MAST2: variants seen among roughly 807,000 people sequenced by gnomAD.
MAST2 encodes microtubule associated serine/threonine kinase 2, also known as microtubule-associated serine/threonine-protein kinase 2.
A neutral mutation model predicts 147.4 loss-of-function variants in MAST2; 70 were observed. The observed-to-expected ratio is 0.47, with a 90% CI of 0.39 to 0.58. The LOEUF (loss-of-function observed/expected upper bound fraction) is 0.58. MAST2 is among the 20% of genes least tolerant of loss of function. The probability of loss-of-function intolerance (pLI) is 0.00; values close to 1 mark genes in which losing one functional copy is unlikely to be tolerated. For missense variants in MAST2, 2,080 were observed against 2,302.3 expected, an observed-to-expected ratio of 0.90 and a Z score of 1.98; for synonymous variants, 869 against 896.8, an observed-to-expected ratio of 0.97 and a Z score of 0.55.
At chr1:45,885,249 C>T (rs1280421936) in intron 4 of MAST2, among the ~76,000 whole-genome samples, 1 of 152,162 alleles carries the variant, frequency 6.6e-6, no homozygotes, top group Non-Finnish European at 1.5e-5. Flanking sequence ...ATGGTTCTCC[C>T]AAGAGCGAAT....
chr1:45,913,931 T>G, intron 4 of MAST2: 1 of 1,113,412 alleles, frequency 9.0e-7, no homozygotes, highest in Non-Finnish European at 1.1e-6. Context: ...GAAAAAAAAC[T>G]AATGCCAACT....
intron 4 of MAST2, among the ~76,000 whole-genome samples, chr1:45,926,307 C>T (rs1158012623): frequency 6.6e-6 from 1 of 152,224 alleles, no homozygotes; most frequent in Admixed American, 6.5e-5. Flanking sequence ...GGTTATTTTG[C>T]TGCTTCCATT....
At chr1:45,977,574 C>A (rs980824335) in intron 5 of MAST2, among the ~76,000 whole-genome samples, 2 of 151,264 alleles carry the variant, frequency 1.3e-5, no homozygotes, top group African/African-American at 4.9e-5. Flanking sequence ...CCGAGGCGGG[C>A]GGATCACAAG....
intron 5 of MAST2, among the ~76,000 whole-genome samples, chr1:45,966,652 G>A (rs1306938273): frequency 6.6e-6 from 1 of 152,140 alleles, no homozygotes; most frequent in East Asian, 1.9e-4. Context: ...AACCAGGGAG[G>A]TGGAGGTTGC....
chr1:45,865,916 A>G (rs1646132912), intron 3 of MAST2, among the ~76,000 whole-genome samples: 1 of 152,244 alleles, frequency 6.6e-6, no homozygotes, highest in South Asian at 2.1e-4. Context: ...TGAAGATTCT[A>G]GTGTAAATCA....
chr1:45,918,887 C>T (rs902505385), intron 4 of MAST2, among the ~76,000 whole-genome samples: 11 of 152,072 alleles, frequency 7.2e-5, no homozygotes, highest in African/African-American at 1.9e-4. Context: ...CCGAGGTGAG[C>T]GGATTGCTTG....
chr1:45,809,446 C>G (rs1486410303), intron 1 of MAST2, among the ~76,000 whole-genome samples: 1 of 152,072 alleles, frequency 6.6e-6, no homozygotes, highest in African/African-American at 2.4e-5. Context: ...AGTTTGAGAC[C>G]AGACTGAGCA....
intron 3 of MAST2, among the ~76,000 whole-genome samples, chr1:45,843,133 T>C (rs930843193): frequency 4.6e-5 from 7 of 152,050 alleles, no homozygotes; most frequent in Non-Finnish European, 1.0e-4. Flanking sequence ...TTTTTTTTAA[T>C]TGAATTTTTT....
intron 3 of MAST2, among the ~76,000 whole-genome samples, chr1:45,836,739 G>A (rs2147871096): frequency 6.6e-6 from 1 of 152,282 alleles, no homozygotes; most frequent in East Asian, 1.9e-4. Flanking sequence ...TAAGTGTTCA[G>A]TTTGATGACT....
intron 4 of MAST2, among the ~76,000 whole-genome samples, chr1:45,883,744 T>G (rs995076457): frequency 6.6e-6 from 1 of 152,102 alleles, no homozygotes; most frequent in Admixed American, 6.6e-5. Flanking sequence ...TAGCAGTGGA[T>G]ATTCAGTCTA....
chr1:46,008,670 TAA>T (rs1040820918), intron 9 of MAST2, among the ~76,000 whole-genome samples: 4 of 152,198 alleles, frequency 2.6e-5, no homozygotes, highest in African/African-American at 9.7e-5. Flanking sequence ...CACCATATAT[TAA>T]AGAGGAAAGA....
intron 1 of MAST2, among the ~76,000 whole-genome samples, chr1:45,808,511 C>T (rs1008573061): frequency 1.3e-5 from 2 of 152,180 alleles, no homozygotes; most frequent in African/African-American, 4.8e-5. Flanking sequence ...GCCTGGCCCA[C>T]ATCTGTAGTC....
chr1:45,889,826 G>A (rs1417478987), intron 4 of MAST2, among the ~76,000 whole-genome samples: 1 of 151,420 alleles, frequency 6.6e-6, no homozygotes, highest in Admixed American at 6.6e-5. Context: ...GGTCAGGCTG[G>A]TCTCGAACTC....
intron 3 of MAST2, among the ~76,000 whole-genome samples, chr1:45,843,779 A>G (rs1473315829): frequency 6.6e-6 from 1 of 152,190 alleles, no homozygotes; most frequent in Non-Finnish European, 1.5e-5. Flanking sequence ...ACTTGTTTCT[A>G]ATGCCATCTA....
At chr1:46,001,786 C>T (rs1645283837) in intron 6 of MAST2, among the ~76,000 whole-genome samples, 1 of 152,130 alleles carries the variant, frequency 6.6e-6, no homozygotes, top group Non-Finnish European at 1.5e-5. Flanking sequence ...TTCCTTTTTG[C>T]TTCTTCTTCT....
In MAST2 at chr1:46,035,907, G is replaced by A; in HGVS notation, c.5238G>A (p.Val1746=). ...ATCCAGCCCTGAGCATCACCCAAGTGCCTGATGCCTCAGGTGACAGAAGGC... is the reference window on the plus strand; with the variant it reads ...ATCCAGCCCTGAGCATCACCCAAGTACCTGATGCCTCAGGTGACAGAAGGC... ...KEDPALSITQ[V]PDASGDRRQD... is the part of the protein sequence containing the mutation. Residue 1746 remains valine (V), a synonymous_variant, in exon 29 of 29, where the codon GTG becomes GTA. Coordinates refer to ENST00000361297, the MANE Select transcript of MAST2 (RefSeq NM_015112.3). The surrounding 1 kb of genome is among the most constrained non-coding windows in gnomAD (Gnocchi z 5.5). 6.2e-7 allele frequency: 1 copy of A among 1,614,076 alleles called. No individual in the cohort carries two copies.
chr1:45,948,203 G>A (rs1183153847), intron 4 of MAST2, among the ~76,000 whole-genome samples: 8 of 152,124 alleles, frequency 5.3e-5, no homozygotes, highest in African/African-American at 1.4e-4. Context: ...AACCAGAGAC[G>A]TGAAAGATCT....
intron 2 of MAST2, among the ~76,000 whole-genome samples, chr1:45,825,579 C>T (rs1346044310): frequency 9.2e-5 from 14 of 151,496 alleles, no homozygotes; most frequent in Admixed American, 6.6e-4. Flanking sequence ...ATCACAGGTG[C>T]GCACCACCAT....
chr1:45,967,680 GT>G (rs1474431566), intron 5 of MAST2, among the ~76,000 whole-genome samples: 5 of 152,104 alleles, frequency 3.3e-5, no homozygotes, highest in Non-Finnish European at 7.4e-5. Flanking sequence ...GGCAGAAGAG[GT>G]GGAGGAGGTG....
Sources: gnomAD v4.1 joint callset for allele counts (sites outside exome capture counted in the v4.1 genomes callset) on GRCh38, gnomAD v4.1.1 for gene constraint, Gnocchi (gnomAD v3.1) non-coding constraint, MANE v1.5 for transcripts, NCBI Gene and HGNC (gene_info 2026-07-23, HGNC 2026-07-21) for gene names.